Variants in RANBP2 observed in about 807,000 individuals in gnomAD.
RANBP2 encodes RAN binding protein 2.
RANBP2 carries 57 observed loss-of-function variants against 303.6 expected under a neutral mutation model. That is an observed-to-expected ratio of 0.19 (90% CI 0.15 to 0.23). The LOEUF is 0.23. RANBP2 is among the 10% of genes least tolerant of loss of function. The pLI is 1.00. For missense variants in RANBP2, 3,138 were observed against 3,780.8 expected, an observed-to-expected ratio of 0.83 and a Z score of 4.46; for synonymous variants, 1,167 against 1,301.5, an observed-to-expected ratio of 0.90 and a Z score of 2.23.
At chr2:109,027,757 C>T in the RANBP2 span, among the ~76,000 whole-genome samples, 3 of 20,562 alleles carry the variant, frequency 1.5e-4, no homozygotes, top group African/African-American at 2.0e-4. Context: ...CAGGAGTGGG[C>T]GGGGTGGGTG....
the RANBP2 span, chr2:109,614,766 G>A: frequency 6.8e-7 from 1 of 1,478,978 alleles, no homozygotes; most frequent in Non-Finnish European, 8.9e-7. Flanking sequence ...GCCCTCCGGG[G>A]ACCCGCCGCG....
At chr2:109,535,667 T>G in the RANBP2 span, among the ~76,000 whole-genome samples, 1 of 152,336 alleles carries the variant, frequency 6.6e-6, no homozygotes, top group South Asian at 2.1e-4. Context: ...GTGATGCTGC[T>G]TGGGCCTCAG....
At chr2:109,120,443 C>T in the RANBP2 span, among the ~76,000 whole-genome samples, 1 of 152,178 alleles carries the variant, frequency 6.6e-6, no homozygotes, top group South Asian at 2.1e-4. Context: ...AAGGTAGAGA[C>T]GGACTTCCAG....
the RANBP2 span, among the ~76,000 whole-genome samples, chr2:109,147,480 C>G: frequency 6.6e-6 from 1 of 152,158 alleles, no homozygotes; most frequent in East Asian, 1.9e-4. Context: ...CCATCTACCA[C>G]TTGGTCAACA....
At chr2:108,967,002 T>G in the RANBP2 span, among the ~76,000 whole-genome samples, 1 of 152,232 alleles carries the variant, frequency 6.6e-6, no homozygotes. Context: ...TGGCACAGTC[T>G]TGGCCCACTG....
the RANBP2 span, among the ~76,000 whole-genome samples, chr2:109,645,630 T>A: frequency 6.6e-6 from 1 of 152,322 alleles, no homozygotes; most frequent in African/African-American, 2.4e-5. Flanking sequence ...CAGGGTCCCC[T>A]GCCTGGACTC....
chr2:109,633,284 TC>T, the RANBP2 span, among the ~76,000 whole-genome samples: 1 of 151,948 alleles, frequency 6.6e-6, no homozygotes, highest in South Asian at 2.1e-4. Flanking sequence ...TCCCAGCTAC[TC>T]GGGAGGCTGA....
At chr2:109,168,608 G>T in the RANBP2 span, among the ~76,000 whole-genome samples, 1 of 152,194 alleles carries the variant, frequency 6.6e-6, no homozygotes, top group Non-Finnish European at 1.5e-5. Context: ...TGATCTGGCC[G>T]TAGGTGGTAA....
chr2:109,613,419 A>G, the RANBP2 span: 1 of 314,084 alleles, frequency 3.2e-6, no homozygotes, highest in Non-Finnish European at 6.4e-6. Flanking sequence ...GGAAGTGCTC[A>G]CGGCTGCAAA....
chr2:109,389,497 A>G, the RANBP2 span, among the ~76,000 whole-genome samples: 2 of 152,184 alleles, frequency 1.3e-5, no homozygotes, highest in African/African-American at 4.8e-5. Context: ...ACGCATGCCA[A>G]TATTTATTCT....
chr2:108,907,411 C>T, the RANBP2 span, among the ~76,000 whole-genome samples: 2 of 151,992 alleles, frequency 1.3e-5, no homozygotes, highest in African/African-American at 2.4e-5. Flanking sequence ...TTTGGAAGGC[C>T]GAGGCGGGTG....
the RANBP2 span, among the ~76,000 whole-genome samples, chr2:109,019,517 A>G: frequency 6.6e-6 from 1 of 151,994 alleles, no homozygotes; most frequent in Non-Finnish European, 1.5e-5. Context: ...CCCACAGTCT[A>G]TGGGGTGGCT....
At chr2:109,067,144 G>T in the RANBP2 span, among the ~76,000 whole-genome samples, 54 of 152,140 alleles carry the variant, frequency 3.5e-4, no homozygotes, top group African/African-American at 1.3e-3. Flanking sequence ...GGTGAGGCCA[G>T]CCTGGGTCGG....
At chr2:108,854,990 T>A in the RANBP2 span, among the ~76,000 whole-genome samples, 1 of 152,206 alleles carries the variant, frequency 6.6e-6, no homozygotes, top group African/African-American at 2.4e-5. Flanking sequence ...AGTTTGAAGT[T>A]TGACTTTTGT....
chr2:109,161,330 A>G, the RANBP2 span, among the ~76,000 whole-genome samples: 124,512 of 151,968 alleles, frequency 0.82, 51,162 homozygotes, highest in East Asian at 0.89. Context: ...TAAGTGTGGT[A>G]TGCACGGGTT....
At chr2:109,326,846 G>A in the RANBP2 span, among the ~76,000 whole-genome samples, 11 of 152,300 alleles carry the variant, frequency 7.2e-5, no homozygotes, top group South Asian at 4.1e-4. Flanking sequence ...CCGTAGGTGC[G>A]CACAGCCACT....
At chr2:109,132,187 A>G in the RANBP2 span, among the ~76,000 whole-genome samples, 11 of 152,198 alleles carry the variant, frequency 7.2e-5, no homozygotes, top group African/African-American at 2.7e-4. Flanking sequence ...AACCATAAAT[A>G]TTACAGTCCC....
the RANBP2 span, among the ~76,000 whole-genome samples, chr2:109,553,811 G>A: frequency 1.0e-4 from 15 of 150,610 alleles, no homozygotes; most frequent in South Asian, 2.1e-3. Flanking sequence ...CCAAGATCGC[G>A]CCACTGCATT....
the RANBP2 span, among the ~76,000 whole-genome samples, chr2:109,640,097 A>G: frequency 6.8e-6 from 1 of 146,028 alleles, no homozygotes; most frequent in Admixed American, 6.9e-5. Flanking sequence ...TCTGCCTTCT[A>G]TTTTTTTTTT....
Sources: gnomAD v4.1 joint callset for allele counts (sites outside exome capture counted in the v4.1 genomes callset) on GRCh38, gnomAD v4.1.1 for gene constraint, MANE v1.5 for transcripts, NCBI Gene and HGNC (gene_info 2026-07-23, HGNC 2026-07-21) for gene names.